Variants in ZNF253 observed in about 807,000 individuals in gnomAD.
ZNF253 encodes the protein zinc finger protein 253, also known as DNA-binding protein.
ZNF253 carries 8 observed loss-of-function variants against 11.9 expected under a neutral mutation model. That is an observed-to-expected ratio of 0.67 (90% CI 0.40 to 1.22). ZNF253 has a LOEUF of 1.22. Among genes scored for constraint, ZNF253 ranks in the 50% most tolerant of loss-of-function variants. ZNF253 has a pLI of 0.01. For missense variants in ZNF253, 485 were observed against 586.9 expected (o/e 0.83, Z 1.79); for synonymous variants, 194 against 194.9 (o/e 1.00, Z 0.04).
chr19:19,866,443 G>C (rs1038031046), intron 1 of ZNF253, among the ~76,000 whole-genome samples: 2 of 151,784 alleles, frequency 1.3e-5, no homozygotes, highest in Non-Finnish European at 2.9e-5. Flanking sequence ...TACTTCTGAA[G>C]AAGAGTGCTG....
chr19:19,889,715 C>T (rs2063220957), intron 3 of ZNF253, among the ~76,000 whole-genome samples: 1 of 152,090 alleles, frequency 6.6e-6, no homozygotes, highest in Non-Finnish European at 1.5e-5. Flanking sequence ...CAGTCACTCA[C>T]TGCAAGCTTC....
chr19:19,867,569 A>C (rs1049334650), intron 1 of ZNF253, among the ~76,000 whole-genome samples: 1 of 152,066 alleles, frequency 6.6e-6, no homozygotes, highest in Non-Finnish European at 1.5e-5. Flanking sequence ...GGATTTTGCA[A>C]TGTTGCCCAG....
chr19:19,867,086 A>G (rs576080578), intron 1 of ZNF253, among the ~76,000 whole-genome samples: 1 of 152,310 alleles, frequency 6.6e-6, no homozygotes, highest in African/African-American at 2.4e-5. Flanking sequence ...CACGCCTGTA[A>G]TAACAACACT....
intron 3 of ZNF253, 68 bp downstream of exon 3, chr19:19,880,214 C>A: frequency 8.3e-7 from 1 of 1,208,764 alleles, no homozygotes; most frequent in Non-Finnish European, 1.2e-6. Context: ...AAGAGAAAAC[C>A]AGTCTTTAAA....
At chr19:19,890,642 C>A (rs919256019) in intron 3 of ZNF253, among the ~76,000 whole-genome samples, 1 of 151,116 alleles carries the variant, frequency 6.6e-6, no homozygotes, top group Non-Finnish European at 1.5e-5. Flanking sequence ...CCTGCCTCAG[C>A]CTTCAGGTAG....
chr19:19,873,657 C>T (rs1383557122), intron 1 of ZNF253, among the ~76,000 whole-genome samples: 1 of 151,876 alleles, frequency 6.6e-6, no homozygotes, highest in Non-Finnish European at 1.5e-5. Flanking sequence ...GATCTGGAGA[C>T]CCAAATAGAT....
intron 3 of ZNF253, among the ~76,000 whole-genome samples, chr19:19,891,007 A>ATTTTTTTTTTTTT (rs1568501169): frequency 6.0e-5 from 9 of 149,810 alleles, no homozygotes; most frequent in African/African-American, 2.0e-4. Flanking sequence ...TGTCTGGCTA[A>ATTTTTTTTTTTTT]TTTTTTGTAT....
intron 3 of ZNF253, among the ~76,000 whole-genome samples, chr19:19,886,816 A>T (rs2063208152): frequency 6.6e-6 from 1 of 152,228 alleles, no homozygotes; most frequent in Admixed American, 6.5e-5. Context: ...CTCTATATGC[A>T]AAATAATTAA....
rs533861326 is a variant in ZNF253 at position 19,874,799 on chromosome 19, C to T, written c.4-3682C>T. 2.0e-5 allele frequency among the ~76,000 whole-genome samples: 3 copies of T among 151,928 alleles called. No individual in the cohort carries two copies. In the South Asian group the frequency reaches 6.2e-4, roughly 32 times the overall value. ...TGGTGGTGGGCGCCTGTAGTCCCAG[C>T]TACTTGGGAGGCTGAGGCAGGAGAA... On this transcript the variant is annotated intron_variant, in intron 1 of 3. Coordinates refer to ENST00000589717, the MANE Select transcript of ZNF253 (RefSeq NM_021047.3).
At chr19:19,869,690 A>ATT (rs2063125589) in intron 1 of ZNF253, among the ~76,000 whole-genome samples, 1 of 105,276 alleles carries the variant, frequency 9.5e-6, no homozygotes, top group African/African-American at 7.3e-5. Context: ...TTTTTTTTAA[A>ATT]AAACAGTCTT....
In ZNF253 at chr19:19,874,341, T is replaced by C. The variant is rs549147673; in HGVS notation, c.4-4140T>C. On this transcript the variant is annotated intron_variant, in intron 1 of 3. Transcript: ENST00000589717. ...GCGTTCCAAACCAGACTGGCCATTA[T>C]GGTGAAACGCTGTCTTTACTAAAAA... Among the ~76,000 whole-genome samples the C allele has an allele frequency of 1.6e-3, 238 of 151,588 alleles. 2 individuals are homozygous for C. Among genetic ancestry groups the C allele is most frequent in the African/African-American group, 5.6e-3 (233 of 41,346 alleles).
chr19:19,872,585 A>ATATATATATATATATATTAT lies in ZNF253; in HGVS notation c.4-5880_4-5879insTTATTATATATATATATATA, dbSNP rs58003826. On this transcript the variant is annotated intron_variant, in intron 1 of 3. Transcript: ENST00000589717. The stretch of plus-strand genomic sequence containing the variant: ...ACTATATATATATATATATATTATT[A>ATATATATATATATATATTAT]TATATATATATATATAATCAAGTTT... 8.6e-4 allele frequency among the ~76,000 whole-genome samples: 78 copies of ATATATATATATATATATTAT among 90,284 alleles called. 1 individual carries two copies. The highest frequency in any genetic ancestry group is 4.6e-3 in the African/African-American group (75 of 16,258). 59.2% of individuals were successfully genotyped at this position (90,284 alleles called of 152,430 possible).
Position 19,892,968 on chromosome 19 carries a change from T to A in ZNF253, c.*221T>A. 2.0e-6 allele frequency: 1 copy of A among 498,662 alleles called. No individual in the cohort carries two copies. The highest frequency in any genetic ancestry group is 3.5e-6 in the Non-Finnish European group (1 of 289,620). The allele number at this position is 498,662 out of a possible 1,614,324, so 30.9% of individuals were successfully genotyped here. On this transcript the variant is annotated 3_prime_UTR_variant, in exon 4 of 4. Coordinates refer to ENST00000589717, the MANE Select transcript of ZNF253 (RefSeq NM_021047.3). The stretch of plus-strand genomic sequence containing the variant: ...GAATGTGGCAAAACCTATAAACCTA[T>A]AACAAGTTCTCAATTCCTTTTTTTT...
intron 1 of ZNF253, among the ~76,000 whole-genome samples, chr19:19,877,843 C>T (rs1170206702): frequency 1.3e-5 from 2 of 152,068 alleles, no homozygotes; most frequent in Non-Finnish European, 2.9e-5. Flanking sequence ...GTGCATAAAC[C>T]ATCACACTTA....
chr19:19,877,965 A>G (rs974520835), intron 1 of ZNF253, among the ~76,000 whole-genome samples: 5 of 152,062 alleles, frequency 3.3e-5, no homozygotes, highest in African/African-American at 1.2e-4. Flanking sequence ...AGGCTCTTCC[A>G]TTTACTCAAT....
At chr19:19,871,278 CT>C (rs1193543315) in intron 1 of ZNF253, 1 of 152,618 alleles carries the variant, frequency 6.6e-6, no homozygotes, top group African/African-American at 2.4e-5. Context: ...CCTCCTGCAG[CT>C]CAGGCCTCAC....
intron 3 of ZNF253, among the ~76,000 whole-genome samples, chr19:19,887,391 G>A (rs543848233): frequency 1.3e-5 from 2 of 151,876 alleles, no homozygotes; most frequent in Non-Finnish European, 2.9e-5. Context: ...ATGCTTCCCG[G>A]GTTCAAGCAA....
chr19:19,889,299 T>C (rs918238587), intron 3 of ZNF253, among the ~76,000 whole-genome samples: 5 of 152,102 alleles, frequency 3.3e-5, no homozygotes, highest in African/African-American at 1.2e-4. Context: ...GTCGTCTGTG[T>C]TCCTATTTCA....
At chr19:19,877,026 A>T (rs2063158656) in intron 1 of ZNF253, among the ~76,000 whole-genome samples, 1 of 152,208 alleles carries the variant, frequency 6.6e-6, no homozygotes, top group South Asian at 2.1e-4. Flanking sequence ...AAAGACGTGG[A>T]TACTCAAGAT....
Sources: gnomAD v4.1 joint callset for allele counts (sites outside exome capture counted in the v4.1 genomes callset) on GRCh38, gnomAD v4.1.1 for gene constraint, MANE v1.5 for transcripts, NCBI Gene and HGNC (gene_info 2026-07-23, HGNC 2026-07-21) for gene names.